Variants in RPGRIP1 observed in about 807,000 individuals in gnomAD.
RPGRIP1 encodes the protein RPGR interacting protein 1, also known as X-linked retinitis pigmentosa GTPase regulator-interacting protein 1.
RPGRIP1 carries 128 observed loss-of-function variants against 157.9 expected under a neutral mutation model. That is an observed-to-expected ratio of 0.81 (90% CI 0.70 to 0.94). The LOEUF (loss-of-function observed/expected upper bound fraction) is 0.94. RPGRIP1 is among the 40% of genes least tolerant of loss of function. The probability of loss-of-function intolerance (pLI) is 0.00; values close to 1 mark genes in which losing one functional copy is unlikely to be tolerated. For missense variants in RPGRIP1, 1,486 were observed against 1,545.8 expected, an observed-to-expected ratio of 0.96 and a Z score of 0.65; for synonymous variants, 554 against 571.6, an observed-to-expected ratio of 0.97 and a Z score of 0.44.
intron 3 of RPGRIP1, among the ~76,000 whole-genome samples, chr14:21,296,576 C>A (rs1452453331): frequency 6.6e-6 from 1 of 151,830 alleles, no homozygotes; most frequent in African/African-American, 2.4e-5. Flanking sequence ...GTCTCAAACT[C>A]CTGACCTCAA....
At chr14:21,327,069 A>G (rs959278607) in intron 17 of RPGRIP1, among the ~76,000 whole-genome samples, 1 of 152,236 alleles carries the variant, frequency 6.6e-6, no homozygotes, top group Middle Eastern at 3.4e-3. Flanking sequence ...AAGATTCTGG[A>G]TGCTCCAGGA....
chr14:21,314,236 C>T (rs1196520513), intron 10 of RPGRIP1, among the ~76,000 whole-genome samples: 2 of 151,964 alleles, frequency 1.3e-5, no homozygotes, highest in Non-Finnish European at 2.9e-5. Flanking sequence ...CCACACGCCA[C>T]CACACCCGGC....
chr14:21,317,535 A>T, intron 10 of RPGRIP1, 161 bp from the exon 11 acceptor site: 1 of 1,509,028 alleles, frequency 6.6e-7, no homozygotes, highest in Non-Finnish European at 8.8e-7. Context: ...AAAAGTTCCA[A>T]GGCAGTTGGT....
intron 10 of RPGRIP1, among the ~76,000 whole-genome samples, chr14:21,314,700 C>A: frequency 7.7e-6 from 1 of 129,570 alleles, no homozygotes; most frequent in Admixed American, 8.6e-5. Flanking sequence ...GCAACAAGAG[C>A]AAAACTCTGT....
intron 3 of RPGRIP1, among the ~76,000 whole-genome samples, chr14:21,296,511 G>C (rs1031040698): frequency 6.6e-6 from 1 of 151,696 alleles, no homozygotes; most frequent in Non-Finnish European, 1.5e-5. Context: ...AACACGCCAG[G>C]CCTTAATATT....
chr14:21,317,752 C>A lies in RPGRIP1; in HGVS notation c.1208C>A (p.Ala403Glu), dbSNP rs779216995. ...SQPHWSNELIAEQLQQQVSQL... is the reference protein window; with the variant it reads ...SQPHWSNELIEEQLQQQVSQL... ...CCCCACTGGAGCAACGAGCTCATAGCGGAACAGCTACAGCAGCAAGTCTCT... is the reference window on the plus strand; with the variant it reads ...CCCCACTGGAGCAACGAGCTCATAGAGGAACAGCTACAGCAGCAAGTCTCT... Residue 403 changes from alanine (A) to glutamate (E), a missense_variant, in exon 11 of 25, where the codon GCG becomes GAG. By Grantham distance (107) the Ala-to-Glu change is moderately radical. Transcript: ENST00000400017. The A allele has an allele frequency of 1.9e-6, 3 of 1,593,628 alleles. No individual in the cohort carries two copies. The highest frequency in any genetic ancestry group is 1.3e-5 in the African/African-American group (1 of 74,690).
intron 21 of RPGRIP1, among the ~76,000 whole-genome samples, chr14:21,341,258 T>C (rs1243172584): frequency 1.3e-5 from 2 of 152,178 alleles, no homozygotes; most frequent in Non-Finnish European, 2.9e-5. Context: ...TTTGAACTCC[T>C]GACCTCAGGT....
chr14:21,288,739 C>A (rs1443132873), intron 2 of RPGRIP1, among the ~76,000 whole-genome samples: 3 of 151,970 alleles, frequency 2.0e-5, no homozygotes, highest in Non-Finnish European at 2.9e-5. Context: ...ATCTCGAACT[C>A]CTGACCTCAA....
Position 21,320,377 on chromosome 14 carries a change from C to T in RPGRIP1, c.1467+200C>T, listed in dbSNP as rs565773164. On this transcript the variant is annotated intron_variant, in intron 12 of 24. Coordinates refer to ENST00000400017, the MANE Select transcript of RPGRIP1 (RefSeq NM_020366.4). ...CGATCTCGGCTCACTGCAGGCTCCG[C>T]CCCCTGGGGTTCACGCCGTTCTCCT... 3.9e-5 allele frequency among the ~76,000 whole-genome samples: 6 copies of T among 151,942 alleles called. No individual in the cohort carries two copies. In the South Asian group the frequency reaches 1.2e-3, roughly 32 times the overall value.
intron 3 of RPGRIP1, among the ~76,000 whole-genome samples, chr14:21,297,834 A>ATTCTTTCTTTCT (rs55920234): frequency 0.18 from 23,270 of 132,852 alleles, 2,372 homozygotes; most frequent in African/African-American, 0.22. Flanking sequence ...TCAATAAATT[A>ATTCTTTCTTTCT]TTCTTTCTTT....
chr14:21,313,467 T>C (rs1391069365), intron 10 of RPGRIP1, among the ~76,000 whole-genome samples: 4 of 152,056 alleles, frequency 2.6e-5, no homozygotes, highest in African/African-American at 9.7e-5. Flanking sequence ...TGTTGCATCC[T>C]CACAATGAAG....
chr14:21,308,952 G>C (rs200626552), intron 7 of RPGRIP1, among the ~76,000 whole-genome samples: 1 of 152,168 alleles, frequency 6.6e-6, no homozygotes, highest in African/African-American at 2.4e-5. Context: ...GGGGATATGT[G>C]GGGGTGGCCA....
chr14:21,303,695 A>G (rs1881138928), intron 6 of RPGRIP1, among the ~76,000 whole-genome samples, 152 bp downstream of exon 6: 1 of 152,188 alleles, frequency 6.6e-6, no homozygotes, highest in South Asian at 2.1e-4. Flanking sequence ...AGGTTAAGAA[A>G]TGGATTAACC....
Position 21,326,029 on chromosome 14 carries a change from CTT to C in RPGRIP1, c.2567_2568del (p.Leu856ArgfsTer4). The C allele has an allele frequency of 3.1e-6, 5 of 1,613,998 alleles. No homozygotes were observed. Among genetic ancestry groups the C allele is most frequent in the Non-Finnish European group, 4.2e-6 (5 of 1,179,890 alleles). On this transcript the variant is annotated frameshift_variant, in exon 17 of 25. Coordinates refer to ENST00000400017, the MANE Select transcript of RPGRIP1 (RefSeq NM_020366.4). LOFTEE classifies it high-confidence loss of function. ...TAGAGACCAGGCTCGATTCCCAGTG[CTT>C]GTGACCTCTGACCTGGACCATTATC... ...YFRDQARFPV[L>X]VTSDLDHYLR...
intron 20 of RPGRIP1, among the ~76,000 whole-genome samples, chr14:21,333,146 G>A (rs193216512): frequency 5.3e-5 from 8 of 152,134 alleles, no homozygotes; most frequent in African/African-American, 1.7e-4. Context: ...GTTAGTACTC[G>A]CAAGAAGCTA....
intron 20 of RPGRIP1, among the ~76,000 whole-genome samples, chr14:21,334,104 TAG>T (rs1489195219): frequency 2.0e-5 from 3 of 151,884 alleles, no homozygotes; most frequent in African/African-American, 7.3e-5. Context: ...GCATTTTTAG[TAG>T]AGACGGGGCT....
chr14:21,325,618 G>A, intron 16 of RPGRIP1: 1 of 629,452 alleles, frequency 1.6e-6, no homozygotes, highest in East Asian at 2.7e-5. Flanking sequence ...GCTTCTCTGT[G>A]CCATTCTCTA....
Position 21,316,228 on chromosome 14 carries a change from C to T in RPGRIP1, c.1152-1468C>T, listed in dbSNP as rs555503826. On this transcript the variant is annotated intron_variant, in intron 10 of 24. Coordinates refer to ENST00000400017, the MANE Select transcript of RPGRIP1 (RefSeq NM_020366.4). Reference sequence around the variant, plus strand: ...TCCTGACCTCGAGATCTGCCTGCCTCAGCCTCCCAAAGCACTGGAATTACA... The same window carrying T: ...TCCTGACCTCGAGATCTGCCTGCCTTAGCCTCCCAAAGCACTGGAATTACA... 2.9e-4 allele frequency among the ~76,000 whole-genome samples: 44 copies of T among 152,164 alleles called. 2 individuals carry two copies. The South Asian group carries it at 8.9e-3, about 31-fold the overall frequency.
intron 21 of RPGRIP1, among the ~76,000 whole-genome samples, chr14:21,341,822 G>A (rs1046269779): frequency 2.6e-5 from 4 of 152,072 alleles, no homozygotes; most frequent in South Asian, 2.1e-4. Context: ...TTGGGAGGCC[G>A]AGGCGGGTGG....
Sources: allele counts gnomAD v4.1 joint callset (sites outside exome capture counted in the v4.1 genomes callset), GRCh38; gene constraint gnomAD v4.1.1; transcripts MANE v1.5; gene names NCBI Gene and HGNC (gene_info 2026-07-23, HGNC 2026-07-21).